The following TIAM1 variants were observed in gnomAD, a reference collection of about 807,000 sequenced individuals.
TIAM1 encodes TIAM Rac1 associated GEF 1.
A neutral mutation model predicts 163.5 loss-of-function variants in TIAM1; 65 were observed. That is an observed-to-expected ratio of 0.40 (90% CI 0.33 to 0.49). The LOEUF is 0.49. Ranked by LOEUF, TIAM1 falls within the 20% of genes least tolerant of loss-of-function variation. The probability of loss-of-function intolerance (pLI) is 0.77; values close to 1 mark genes in which losing one functional copy is unlikely to be tolerated. For synonymous variants in TIAM1, 833 were observed against 810.1 expected (o/e 1.03, Z -0.48); for missense variants, 1,789 against 2,044.7 (o/e 0.87, Z 2.41).
intron 2 of TIAM1, among the ~76,000 whole-genome samples, chr21:31,297,079 C>A (rs887856329): frequency 6.6e-6 from 1 of 152,208 alleles, no homozygotes; most frequent in Non-Finnish European, 1.5e-5. Context: ...GATACATGCA[C>A]CCTTCCAACT....
intron 1 of TIAM1, among the ~76,000 whole-genome samples, chr21:31,509,500 T>A (rs1367331606): frequency 1.3e-5 from 2 of 152,016 alleles, no homozygotes; most frequent in African/African-American, 2.4e-5. Context: ...TCACTGCACC[T>A]CCTCCGCCAC....
chr21:31,122,798 C>T (rs2082051920), intron 27 of TIAM1, among the ~76,000 whole-genome samples: 1 of 152,134 alleles, frequency 6.6e-6, no homozygotes, highest in Non-Finnish European at 1.5e-5. Context: ...GTATCTGTTC[C>T]TAGTATGCTT....
At chr21:31,203,061 T>C in intron 11 of TIAM1, 49 bp from the exon 12 acceptor site, 2 of 1,395,422 alleles carry the variant, frequency 1.4e-6, no homozygotes, top group Non-Finnish European at 2.0e-6. Flanking sequence ...CAATAGTAAA[T>C]AGGCACAATT....
intron 2 of TIAM1, among the ~76,000 whole-genome samples, chr21:31,420,598 A>G (rs1303190313): frequency 6.6e-6 from 1 of 152,220 alleles, no homozygotes; most frequent in African/African-American, 2.4e-5. Flanking sequence ...GACTTGTTTT[A>G]CTGTGGTCTA....
At position 31,227,018 on chromosome 21, in the gene TIAM1, G is replaced by A. The variant is rs536043456; in HGVS notation, c.1585-1068C>T. Among the ~76,000 whole-genome samples, 21 of 147,238 alleles carry A rather than the reference G, an allele frequency of 1.4e-4. No individual in the cohort carries two copies. In the South Asian group the frequency reaches 2.6e-3, roughly 18 times the overall value. On this transcript the variant is annotated intron_variant, in intron 6 of 27. Coordinates refer to ENST00000541036, the MANE Select transcript of TIAM1 (RefSeq NM_001353694.2). The stretch of plus-strand genomic sequence containing the variant: ...GTTGCCCAGGCTGGAGTGCAGTGGC[G>A]CGATCTTGGCTCACTGCAGCCTCTG...
intron 27 of TIAM1, among the ~76,000 whole-genome samples, chr21:31,123,648 A>G (rs984062668): frequency 6.6e-6 from 1 of 152,150 alleles, no homozygotes; most frequent in Non-Finnish European, 1.5e-5. Flanking sequence ...TAGGATGGTA[A>G]TGGGTACAAA....
At chr21:31,197,539 C>CTTT (rs58141765) in intron 12 of TIAM1, among the ~76,000 whole-genome samples, 4 of 123,252 alleles carry the variant, frequency 3.2e-5, no homozygotes, top group Admixed American at 1.7e-4. Flanking sequence ...CCGCGCCCGG[C>CTTT]TTTTTTTTTT....
intron 2 of TIAM1, among the ~76,000 whole-genome samples, chr21:31,334,004 C>A (rs543106016): frequency 1.3e-5 from 2 of 152,270 alleles, no homozygotes; most frequent in East Asian, 1.9e-4. Context: ...TCTGCAAATA[C>A]ATTAGAAAGA....
At chr21:31,355,823 A>C (rs1602082241) in intron 2 of TIAM1, among the ~76,000 whole-genome samples, 1 of 18,386 alleles carries the variant, frequency 5.4e-5, no homozygotes, top group Admixed American at 9.4e-4. Context: ...AAGTGCTGGG[A>C]TTCAGGCGTG....
At chr21:31,256,703 C>T (rs533738635) in intron 4 of TIAM1, among the ~76,000 whole-genome samples, 2 of 151,646 alleles carry the variant, frequency 1.3e-5, no homozygotes, top group Admixed American at 6.6e-5. Context: ...CTCAGTACAG[C>T]AAGTATCAAT....
intron 27 of TIAM1, 32 bp downstream of exon 27, chr21:31,124,489 CG>C: frequency 6.2e-7 from 1 of 1,609,726 alleles, no homozygotes; most frequent in Non-Finnish European, 8.5e-7. Context: ...GTGGGGGTGA[CG>C]GGAATCTTGA....
chr21:31,512,346 C>T (rs995106093), intron 1 of TIAM1, among the ~76,000 whole-genome samples: 3 of 151,942 alleles, frequency 2.0e-5, no homozygotes, highest in Admixed American at 1.3e-4. Flanking sequence ...GTCATCCACC[C>T]GCCTCGGCCT....
At chr21:31,322,448 T>TGGGGGGG (rs386394590) in intron 2 of TIAM1, among the ~76,000 whole-genome samples, 2 of 136,510 alleles carry the variant, frequency 1.5e-5, no homozygotes, top group Non-Finnish European at 3.2e-5. Context: ...CCTCTATGGG[T>TGGGGGGG]GGGGGGGGGT....
chr21:31,518,990 T>C (rs1314839135), intron 1 of TIAM1, among the ~76,000 whole-genome samples: 2 of 151,644 alleles, frequency 1.3e-5, no homozygotes, highest in African/African-American at 2.4e-5. Flanking sequence ...AGGTCAGGAG[T>C]TCGAGACCAG....
intron 2 of TIAM1, among the ~76,000 whole-genome samples, chr21:31,359,028 T>C (rs2076360445): frequency 6.6e-6 from 1 of 152,150 alleles, no homozygotes; most frequent in African/African-American, 2.4e-5. Flanking sequence ...ACTCCCTCTT[T>C]CTGGAACATT....
intron 16 of TIAM1, among the ~76,000 whole-genome samples, chr21:31,164,362 C>A (rs1360694183): frequency 6.7e-6 from 1 of 150,142 alleles, no homozygotes; most frequent in Non-Finnish European, 1.5e-5. Context: ...TGCCCTCTAG[C>A]CTGGGCGACA....
intron 1 of TIAM1, among the ~76,000 whole-genome samples, chr21:31,506,689 A>T (rs748123826): frequency 6.6e-6 from 1 of 152,206 alleles, no homozygotes; most frequent in Non-Finnish European, 1.5e-5. Flanking sequence ...AGGCTGAGGC[A>T]GTTGAATCAC....
At chr21:31,407,736 C>T (rs1373425564) in intron 2 of TIAM1, among the ~76,000 whole-genome samples, 1 of 144,428 alleles carries the variant, frequency 6.9e-6, no homozygotes, top group African/African-American at 2.6e-5. Flanking sequence ...CCCTGGTTTA[C>T]GCAGTTCTCC....
chr21:31,278,260 C>A (rs994423484), intron 2 of TIAM1, among the ~76,000 whole-genome samples: 2 of 152,170 alleles, frequency 1.3e-5, no homozygotes, highest in African/African-American at 4.8e-5. Context: ...AGAGAAAATG[C>A]ATGAAGAATA....
Sources: gnomAD v4.1 joint callset for allele counts (sites outside exome capture counted in the v4.1 genomes callset) on GRCh38, gnomAD v4.1.1 for gene constraint, MANE v1.5 for transcripts, NCBI Gene and HGNC (gene_info 2026-07-23, HGNC 2026-07-21) for gene names.